ACTL8: variants seen among roughly 807,000 people sequenced by gnomAD.
ACTL8 encodes the protein actin like 8, also known as actin-like protein 8.
Under a neutral mutation model 9.3 loss-of-function variants are expected in ACTL8, and 3 were observed. That is an observed-to-expected ratio of 0.32 (90% CI 0.15 to 0.83). The LOEUF is 0.83. Among genes scored for constraint, ACTL8 ranks in the 40% least tolerant of loss-of-function variants. The pLI, the probability that ACTL8 is intolerant of heterozygous loss-of-function variation, is 0.57. For missense variants in ACTL8, 381 were observed against 492.2 expected (o/e 0.77, Z 2.14); for synonymous variants, 224 against 205.9 (o/e 1.09, Z -0.75).
chr1:17,808,524 A>C lies in ACTL8; in HGVS notation c.-24-14461A>C, dbSNP rs999781606. Among the ~76,000 whole-genome samples, 9 of 152,158 alleles carry C rather than the reference A, an allele frequency of 5.9e-5. No homozygotes were observed. The South Asian group carries it at 1.9e-3, about 32-fold the overall frequency. ...CTCAAAGGTGGGTGGCGTGGGGACAACTCTGTCACTTCTCTAAGCCTCATT... is the reference window on the plus strand; with the variant it reads ...CTCAAAGGTGGGTGGCGTGGGGACACCTCTGTCACTTCTCTAAGCCTCATT... On this transcript the variant is annotated intron_variant, in intron 1 of 2. Transcript: ENST00000375406.
intron 1 of ACTL8, among the ~76,000 whole-genome samples, chr1:17,803,690 A>T (rs988014796): frequency 5.9e-5 from 9 of 152,170 alleles, no homozygotes; most frequent in African/African-American, 2.2e-4. Flanking sequence ...CAAGGGTATA[A>T]GTGGGGAGTG....
intron 1 of ACTL8, among the ~76,000 whole-genome samples, chr1:17,784,913 G>A (rs760151824): frequency 1.1e-4 from 16 of 152,334 alleles, no homozygotes; most frequent in Non-Finnish European, 2.2e-4. Context: ...CCATGTGGCT[G>A]GGGAAGCCTC....
Position 17,761,134 on chromosome 1 carries a change from A to ATT in ACTL8, c.-25+5650_-25+5651dup, listed in dbSNP as rs935834059. On this transcript the variant is annotated intron_variant, in intron 1 of 2. Transcript: ENST00000375406. ...CGGGGACAGGGGTCATTGCGGCTTA[A>ATT]TTTTTTTTTTTTTTTTTTTTTGGTA... Among the ~76,000 whole-genome samples the ATT allele has an allele frequency of 5.0e-3, 662 of 131,374 alleles. 25 individuals carry two copies. The East Asian group carries it at 0.087, about 17-fold the overall frequency. The allele number at this position is 131,374 out of a possible 152,430, so 86.2% of individuals were successfully genotyped here.
intron 1 of ACTL8, among the ~76,000 whole-genome samples, chr1:17,807,912 C>A (rs547941833): frequency 6.6e-6 from 1 of 152,192 alleles, no homozygotes; most frequent in Admixed American, 6.5e-5. Context: ...TTGATGGGTG[C>A]AGCAAACTAC....
intron 1 of ACTL8, among the ~76,000 whole-genome samples, chr1:17,794,924 G>C (rs2066266388): frequency 6.6e-6 from 1 of 152,172 alleles, no homozygotes; most frequent in Non-Finnish European, 1.5e-5. Flanking sequence ...TGAGGTGTGT[G>C]GTAGGGGAAT....
At chr1:17,824,154 G>A (rs1214683872) in intron 2 of ACTL8, among the ~76,000 whole-genome samples, 1 of 152,190 alleles carries the variant, frequency 6.6e-6, no homozygotes, top group Non-Finnish European at 1.5e-5. Flanking sequence ...TGAGGTTGGA[G>A]GAGGCTGGGC....
chr1:17,800,814 C>T (rs931079565), intron 1 of ACTL8, among the ~76,000 whole-genome samples: 1 of 151,802 alleles, frequency 6.6e-6, no homozygotes, highest in Non-Finnish European at 1.5e-5. Flanking sequence ...AGGCTGGTCT[C>T]AAACTCCTCA....
At chr1:17,780,254 C>T (rs922941340) in intron 1 of ACTL8, among the ~76,000 whole-genome samples, 1 of 152,122 alleles carries the variant, frequency 6.6e-6, no homozygotes. Context: ...TAGTGACCGG[C>T]TTGTAGCAAA....
intron 1 of ACTL8, among the ~76,000 whole-genome samples, chr1:17,777,328 G>A (rs12117948): frequency 8.5e-5 from 13 of 152,068 alleles, no homozygotes; most frequent in Admixed American, 7.2e-4. Flanking sequence ...TCCTCTACCA[G>A]CAACTTCTCC....
At chr1:17,804,563 G>A (rs2066345001) in intron 1 of ACTL8, among the ~76,000 whole-genome samples, 1 of 152,020 alleles carries the variant, frequency 6.6e-6, no homozygotes, top group African/African-American at 2.4e-5. Context: ...GACCATTGCA[G>A]CCACCACCCA....
At chr1:17,782,378 A>T (rs1168526639) in intron 1 of ACTL8, among the ~76,000 whole-genome samples, 1 of 150,208 alleles carries the variant, frequency 6.7e-6, no homozygotes, top group Non-Finnish European at 1.5e-5. Context: ...TTATCTTGTC[A>T]TTTTTTTTTT....
At position 17,812,703 on chromosome 1, in the gene ACTL8, G is replaced by A. The variant is rs547344609; in HGVS notation, c.-24-10282G>A. On this transcript the variant is annotated intron_variant, in intron 1 of 2. Coordinates refer to ENST00000375406, the MANE Select transcript of ACTL8 (RefSeq NM_030812.3). ...AGATGGGGTTTCACTGTGTTGCCCAGGCTGGTCGTGAACTCCTGAGCTCAG... is the reference window on the plus strand; with the variant it reads ...AGATGGGGTTTCACTGTGTTGCCCAAGCTGGTCGTGAACTCCTGAGCTCAG... 1.5e-4 allele frequency among the ~76,000 whole-genome samples: 23 copies of A among 151,442 alleles called. No individual in the cohort carries two copies. The East Asian group carries it at 4.3e-3, about 28-fold the overall frequency.
At position 17,825,934 on chromosome 1, in the gene ACTL8, G is replaced by T. The variant is rs780425746; in HGVS notation, c.516G>T (p.Thr172=). 1 of 1,611,674 alleles carries T rather than the reference G, an allele frequency of 6.2e-7. No homozygotes were observed. The highest frequency in any genetic ancestry group is 8.5e-7 in the Non-Finnish European group (1 of 1,180,030). ...GCCCCTTGCCCGCCAGCGGCAAGAC[G>T]CTGGAGTTCGCCGGCCAGGATCTCT... ...QGRPLPASGK[T]LEFAGQDLSA... is the part of the protein sequence containing the mutation. Residue 172 remains threonine, a synonymous_variant, in exon 3 of 3, where the codon ACG becomes ACT. Coordinates refer to ENST00000375406, the MANE Select transcript of ACTL8 (RefSeq NM_030812.3).
At chr1:17,815,577 G>A (rs1009198283) in intron 1 of ACTL8, among the ~76,000 whole-genome samples, 3 of 152,068 alleles carry the variant, frequency 2.0e-5, no homozygotes, top group African/African-American at 7.2e-5. Context: ...ATTCTTTGAA[G>A]ATTTAAAAAA....
At chr1:17,802,539 G>A (rs1318733159) in intron 1 of ACTL8, among the ~76,000 whole-genome samples, 4 of 152,080 alleles carry the variant, frequency 2.6e-5, no homozygotes, top group African/African-American at 9.7e-5. Flanking sequence ...TTACTACCGC[G>A]GGTAAGGAAC....
chr1:17,780,382 G>C (rs1014473541), intron 1 of ACTL8, among the ~76,000 whole-genome samples: 2 of 152,132 alleles, frequency 1.3e-5, no homozygotes, highest in Non-Finnish European at 2.9e-5. Flanking sequence ...TCTGCGGAGG[G>C]GCTGTAGATC....
At chr1:17,774,762 G>A (rs1050242184) in intron 1 of ACTL8, among the ~76,000 whole-genome samples, 39 of 152,170 alleles carry the variant, frequency 2.6e-4, no homozygotes, top group Non-Finnish European at 1.0e-4. Context: ...CAGGCTCTGA[G>A]CTGCGGTAGA....
intron 1 of ACTL8, among the ~76,000 whole-genome samples, chr1:17,794,396 C>G (rs564272843): frequency 6.6e-6 from 1 of 152,310 alleles, no homozygotes; most frequent in South Asian, 2.1e-4. Flanking sequence ...TACCATAAGA[C>G]TCATGATTGC....
At chr1:17,755,785 C>G (rs1558091265) in intron 1 of ACTL8, among the ~76,000 whole-genome samples, 1 of 152,102 alleles carries the variant, frequency 6.6e-6, no homozygotes, top group African/African-American at 2.4e-5. Flanking sequence ...GGGGGCCCTT[C>G]CTTGGGGGCC....
Sources: gnomAD v4.1 joint callset for allele counts (sites outside exome capture counted in the v4.1 genomes callset) on GRCh38, gnomAD v4.1.1 for gene constraint, MANE v1.5 for transcripts, NCBI Gene and HGNC (gene_info 2026-07-23, HGNC 2026-07-21) for gene names.